Variants in SLX9 observed in about 807,000 individuals in gnomAD.
The protein encoded by SLX9 is SLX9 ribosome biogenesis factor, also known as ribosome biogenesis protein SLX9 homolog.
A neutral mutation model predicts 20.8 loss-of-function variants in SLX9; 19 were observed. The observed-to-expected ratio is 0.91, with a 90% confidence interval of 0.64 to 1.34. The LOEUF (loss-of-function observed/expected upper bound fraction) is 1.34, where lower values mean the gene tolerates loss of function less well. SLX9 is among the 40% of genes most tolerant of loss of function. SLX9 has a pLI of 0.00. For synonymous variants in SLX9, 113 were observed against 137.1 expected (o/e 0.82, Z 1.23); for missense variants, 299 against 322.2 (o/e 0.93, Z 0.55).
intron 4 of SLX9, among the ~76,000 whole-genome samples, chr21:44,971,305 T>C (rs1185719191): frequency 6.6e-6 from 1 of 152,136 alleles, no homozygotes; most frequent in Non-Finnish European, 1.5e-5. Flanking sequence ...TGGAGTCGCG[T>C]CCCTGCCGGT....
intron 4 of SLX9, among the ~76,000 whole-genome samples, chr21:44,972,739 G>A (rs73909906): frequency 0.045 from 6,783 of 152,324 alleles, 515 homozygotes; most frequent in African/African-American, 0.15. Flanking sequence ...GAAGTGGTGT[G>A]TACTGCGGGA....
chr21:44,953,843 T>C (rs1263207299), intron 2 of SLX9, among the ~76,000 whole-genome samples: 1 of 152,220 alleles, frequency 6.6e-6, no homozygotes, highest in Non-Finnish European at 1.5e-5. Context: ...GGTACTTTCC[T>C]CGCTGCAAAC....
At chr21:44,963,324 G>A (rs1313931346) in intron 3 of SLX9, among the ~76,000 whole-genome samples, 5 of 151,386 alleles carry the variant, frequency 3.3e-5, no homozygotes, top group South Asian at 4.2e-4. Flanking sequence ...TCTTGACCTC[G>A]TGATCCGCCC....
chr21:44,956,748 C>T (rs1178545348), intron 2 of SLX9, among the ~76,000 whole-genome samples: 1 of 152,242 alleles, frequency 6.6e-6, no homozygotes, highest in Non-Finnish European at 1.5e-5. Flanking sequence ...TGAACCGTGT[C>T]ACCCCACGGC....
chr21:44,976,289 C>T (rs553035357), intron 5 of SLX9, among the ~76,000 whole-genome samples: 56 of 152,282 alleles, frequency 3.7e-4, no homozygotes, highest in African/African-American at 1.3e-3. Context: ...TCTCGGCTCT[C>T]GGCTCTCGGC....
chr21:44,946,341 C>G (rs995914891), intron 2 of SLX9, among the ~76,000 whole-genome samples: 3 of 152,250 alleles, frequency 2.0e-5, no homozygotes, highest in Admixed American at 6.5e-5. Context: ...CTCCCCAGCC[C>G]TGAGCTCGTG....
chr21:44,940,173 C>T lies in SLX9; in HGVS notation c.116C>T (p.Ser39Leu), dbSNP rs1340150857. Residue 39 changes from serine (S) to leucine (L), a missense_variant, in exon 1 of 6, where the codon TCG (serine) becomes TTG (leucine). Transcript: ENST00000291634. ...PAPEATPPPASAAGKDWAFIN... is the reference protein window; with the variant it reads ...PAPEATPPPALAAGKDWAFIN... Reference sequence around the variant, plus strand: ...CCGGAGGCGACCCCTCCGCCGGCCTCGGCCGCGGGGAAGGTGAGCTGGGGA... The same window carrying T: ...CCGGAGGCGACCCCTCCGCCGGCCTTGGCCGCGGGGAAGGTGAGCTGGGGA... 1.6e-5 allele frequency: 20 copies of T among 1,268,992 alleles called. No individual in the cohort carries two copies. The highest frequency in any genetic ancestry group is 3.2e-5 in the East Asian group (1 of 31,104). The allele number at this position is 1,268,992 out of a possible 1,614,324, so 78.6% of individuals were successfully genotyped here.
chr21:44,947,350 C>T (rs1400315814), intron 2 of SLX9, among the ~76,000 whole-genome samples: 1 of 152,240 alleles, frequency 6.6e-6, no homozygotes, highest in African/African-American at 2.4e-5. Context: ...CGTCCGTGCC[C>T]TGCCTGAGTC....
At chr21:44,967,628 T>C (rs1207364567) in intron 4 of SLX9, among the ~76,000 whole-genome samples, 1 of 152,108 alleles carries the variant, frequency 6.6e-6, no homozygotes, top group East Asian at 1.9e-4. Flanking sequence ...CCCTCCTGAG[T>C]GGACCTTTCC....
At chr21:44,971,870 G>A (rs992913199) in intron 4 of SLX9, among the ~76,000 whole-genome samples, 4 of 152,178 alleles carry the variant, frequency 2.6e-5, no homozygotes, top group Non-Finnish European at 4.4e-5. Flanking sequence ...GGGAGATGTC[G>A]TCAGCCCCGG....
upstream of SLX9, chr21:44,939,870 G>C (rs2084505023): frequency 1.7e-6 from 1 of 579,498 alleles, no homozygotes. Context: ...TTTCTCCCAG[G>C]TGCGTCGGTG....
intron 4 of SLX9, 155 bp from the exon 5 acceptor site, chr21:44,973,042 C>G (rs903723417): frequency 6.6e-4 from 186 of 283,756 alleles, no homozygotes; most frequent in Non-Finnish European, 8.9e-5. Flanking sequence ...GCCTCCATGG[C>G]CACAGTGCAG....
intron 3 of SLX9, among the ~76,000 whole-genome samples, chr21:44,964,646 A>AC (rs1181352592): frequency 6.6e-6 from 1 of 152,208 alleles, no homozygotes; most frequent in African/African-American, 2.4e-5. Flanking sequence ...GGAACCACAC[A>AC]CATGTCCCAC....
chr21:44,964,585 G>A (rs368099062), intron 3 of SLX9, among the ~76,000 whole-genome samples: 3 of 152,258 alleles, frequency 2.0e-5, no homozygotes, highest in East Asian at 1.9e-4. Flanking sequence ...TGCCCCAGCC[G>A]TGCCGTGGAC....
chr21:44,956,408 A>G (rs924276909), intron 2 of SLX9, among the ~76,000 whole-genome samples: 7 of 151,928 alleles, frequency 4.6e-5, no homozygotes, highest in African/African-American at 1.7e-4. Context: ...TTTTTCCCCA[A>G]ACGGCCTGTC....
rs183007949 is a variant in SLX9, at chr21:44,974,614, G to A, written c.569+1349G>A. On this transcript the variant is annotated intron_variant, in intron 5 of 5. Coordinates refer to ENST00000291634, the MANE Select transcript of SLX9 (RefSeq NM_058190.4). Reference sequence around the variant, plus strand: ...AGTTCCTTGCTCTGTGGCCCAGGCTGGAGTGCAGAGGTGTGATCAAGGCTC... The same window carrying A: ...AGTTCCTTGCTCTGTGGCCCAGGCTAGAGTGCAGAGGTGTGATCAAGGCTC... 1.9e-3 allele frequency among the ~76,000 whole-genome samples: 289 copies of A among 152,256 alleles called. 1 individual carries two copies. Among genetic ancestry groups the A allele is most frequent in the Non-Finnish European group, 3.2e-3 (217 of 68,018 alleles).
At chr21:44,970,346 G>T (rs994228010) in intron 4 of SLX9, among the ~76,000 whole-genome samples, 3 of 148,984 alleles carry the variant, frequency 2.0e-5, no homozygotes, top group South Asian at 2.1e-4. Context: ...TTCCAGCATT[G>T]GCCGCTGGGA....
At chr21:44,939,998 G>C (rs2294170), upstream of SLX9, 11 of 1,368,468 alleles carry the variant, frequency 8.0e-6, no homozygotes, top group East Asian at 3.4e-4. Context: ...GCCGGGCGGC[G>C]AGAACGCAGG....
In SLX9 at chr21:44,976,920, G is replaced by A; in HGVS notation, c.*117G>A. The A allele has an allele frequency of 7.1e-7, 1 of 1,404,466 alleles. No individual in the cohort carries two copies. Among genetic ancestry groups the A allele is most frequent in the Non-Finnish European group, 9.6e-7 (1 of 1,042,568 alleles). The allele number at this position is 1,404,466 out of a possible 1,614,324, so 87.0% of individuals were successfully genotyped here. A position where few individuals can be genotyped will look rare whatever the true frequency, so the allele number is the denominator to read the frequency against. The stretch of plus-strand genomic sequence containing the variant: ...GACGCCCTTCCCTCTGGTCGGTTGT[G>A]GGGCTCAATAAATGGCTCTGTGAAC... On this transcript the variant is annotated 3_prime_UTR_variant, in exon 6 of 6. Coordinates refer to ENST00000291634, the MANE Select transcript of SLX9 (RefSeq NM_058190.4).
Sources: allele counts gnomAD v4.1 joint callset (sites outside exome capture counted in the v4.1 genomes callset), GRCh38; gene constraint gnomAD v4.1.1; transcripts MANE v1.5; gene names NCBI Gene and HGNC (gene_info 2026-07-23, HGNC 2026-07-21).